Variants in UXS1 observed in about 807,000 individuals in gnomAD.
The protein encoded by UXS1 is UDP-glucuronate decarboxylase 1, also known as UDP-glucuronic acid decarboxylase 1.
UXS1 carries 33 observed loss-of-function variants against 62.6 expected under a neutral mutation model. The observed-to-expected ratio is 0.53, with a 90% CI of 0.40 to 0.70. The LOEUF is 0.70. UXS1 is among the 30% of genes least tolerant of loss of function. UXS1 has a pLI of 0.00. For missense variants in UXS1, 434 were observed against 556.3 expected, an observed-to-expected ratio of 0.78 and a Z score of 2.21; for synonymous variants, 213 against 206.8, an observed-to-expected ratio of 1.03 and a Z score of -0.26.
chr2:106,137,123 G>A (rs1451190330), intron 6 of UXS1, among the ~76,000 whole-genome samples: 4 of 152,038 alleles, frequency 2.6e-5, no homozygotes, highest in South Asian at 4.1e-4. Context: ...ATGCAAGTTC[G>A]CTGAGAGGAT....
intron 11 of UXS1, among the ~76,000 whole-genome samples, chr2:106,103,382 C>G (rs1022298602): frequency 7.9e-5 from 12 of 152,272 alleles, no homozygotes; most frequent in African/African-American, 2.9e-4. Flanking sequence ...GTGAGGCAGC[C>G]CGAGGCAGGC....
intron 9 of UXS1, among the ~76,000 whole-genome samples, chr2:106,121,366 C>A (rs1558696256): frequency 6.6e-6 from 1 of 152,174 alleles, no homozygotes; most frequent in South Asian, 2.1e-4. Context: ...ACTAAAAGCT[C>A]AATCAAAATG....
At chr2:106,124,496 T>C (rs960068032) in intron 8 of UXS1, among the ~76,000 whole-genome samples, 5 of 152,242 alleles carry the variant, frequency 3.3e-5, no homozygotes, top group Non-Finnish European at 7.3e-5. Context: ...GCTAAGACAC[T>C]AAGCAAATAC....
intron 1 of UXS1, among the ~76,000 whole-genome samples, chr2:106,184,601 G>A (rs1443007855): frequency 1.3e-5 from 2 of 152,168 alleles, no homozygotes; most frequent in Non-Finnish European, 1.5e-5. Flanking sequence ...CCTTCTTGCT[G>A]TATCCTCACA....
Position 106,123,006 on chromosome 2 carries a change from A to G in UXS1, c.723T>C (p.Arg241=). The change falls in exon 9 of 15, where the codon CGT becomes CGC. Residue 241 remains arginine, a synonymous_variant. Transcript: ENST00000283148. The part of the protein sequence containing the change: ...GPRACYDEGK[R]VAETMCYAYM... ...AGGCATAGCACATGGTCTCTGCAAC[A>G]CGTTTGCCTTCATCGTAGCAGGCCC... 6.2e-7 allele frequency: 1 copy of G among 1,613,910 alleles called. No homozygotes were observed. Among genetic ancestry groups the G allele is most frequent in the South Asian group, 1.1e-5 (1 of 91,084 alleles).
chr2:106,120,934 C>CG (rs1679472358), intron 9 of UXS1, among the ~76,000 whole-genome samples: 1 of 152,314 alleles, frequency 6.6e-6, no homozygotes, highest in East Asian at 1.9e-4. Flanking sequence ...GCTGACCACA[C>CG]GGGGGGCTTC....
chr2:106,193,585 T>C (rs1291692384), intron 1 of UXS1, among the ~76,000 whole-genome samples: 1 of 151,890 alleles, frequency 6.6e-6, no homozygotes. Context: ...AGAATGGGGA[T>C]GCCGGTGCGC....
chr2:106,193,557 A>G (rs1267248284), intron 1 of UXS1, among the ~76,000 whole-genome samples: 1 of 151,826 alleles, frequency 6.6e-6, no homozygotes, highest in Non-Finnish European at 1.5e-5. Context: ...CCGGCCGCCG[A>G]GCCCCGGGGG....
At chr2:106,104,883 T>C in intron 10 of UXS1, 46 bp from the exon 11 acceptor site, 1 of 1,612,354 alleles carries the variant, frequency 6.2e-7, no homozygotes, top group Non-Finnish European at 8.5e-7. Flanking sequence ...ACCACACCCG[T>C]CCTGCGTAGG....
chr2:106,189,103 T>C (rs1012039458), intron 1 of UXS1, among the ~76,000 whole-genome samples: 4 of 152,038 alleles, frequency 2.6e-5, no homozygotes, highest in Admixed American at 6.6e-5. Context: ...ATCAGAATAG[T>C]AGTAGTCCCA....
chr2:106,123,352 T>C (rs1011260582), intron 8 of UXS1, among the ~76,000 whole-genome samples: 7 of 152,182 alleles, frequency 4.6e-5, no homozygotes, highest in Admixed American at 2.0e-4. Context: ...TTCCCTCTCT[T>C]CCGTAAATTG....
chr2:106,174,856 C>T (rs933888771), intron 1 of UXS1, among the ~76,000 whole-genome samples: 1 of 152,344 alleles, frequency 6.6e-6, no homozygotes. Context: ...CAGCTAGCGC[C>T]CACCCATCCC....
At chr2:106,179,978 G>A (rs984764284) in intron 1 of UXS1, among the ~76,000 whole-genome samples, 10 of 152,148 alleles carry the variant, frequency 6.6e-5, no homozygotes, top group Admixed American at 3.9e-4. Context: ...GCATGGTGGT[G>A]TGCACCTGTA....
rs1680865630 is a variant in UXS1 at position 106,138,814 on chromosome 2, C to G, written c.472+6376G>C. ...AAACCCTATGAAAATCAAAGTTTCCCACCACCCCCCTCTCCTTTGAGAATG... is the reference window on the plus strand; with the variant it reads ...AAACCCTATGAAAATCAAAGTTTCCGACCACCCCCCTCTCCTTTGAGAATG... On this transcript the variant is annotated intron_variant, in intron 6 of 14. Coordinates refer to ENST00000283148, the MANE Select transcript of UXS1 (RefSeq NM_001253875.2). The G allele has an allele frequency of 3.0e-6, 3 of 985,356 alleles. No individual in the cohort carries two copies. The South Asian group carries it at 1.4e-4, about 46-fold the overall frequency. The allele number at this position is 985,356 out of a possible 1,614,324, so 61.0% of individuals were successfully genotyped here. A position where few individuals can be genotyped will look rare whatever the true frequency, so the allele number is the denominator to read the frequency against.
rs969448110 is a variant in UXS1, at chr2:106,122,858, C to T, written c.759+112G>A. The T allele has an allele frequency of 1.5e-4, 223 of 1,444,750 alleles. 3 individuals carry two copies. In the South Asian group the frequency reaches 3.0e-3, roughly 20 times the overall value. The allele number at this position is 1,444,750 out of a possible 1,614,324, so 89.5% of individuals were successfully genotyped here. A position where few individuals can be genotyped will look rare whatever the true frequency, so the allele number is the denominator to read the frequency against. ...ATACTGGGAAACTGAGCTTCCCAAA[C>T]ACCTATCCCCAGACAAAATCAGTCA... On this transcript the variant is annotated intron_variant, in intron 9 of 14. Coordinates refer to ENST00000283148, the MANE Select transcript of UXS1 (RefSeq NM_001253875.2).
In UXS1 at chr2:106,129,775, T is replaced by C; in HGVS notation, c.476A>G (p.Asp159Gly). ...TGGAGATGCCAGATGGTATATCTGG[T>C]CAACTAAAGGAGACAAAACAGAAGC... ...DVVEPLYIEV[D>G]QIYHLASPAS... Residue 159 changes from aspartate to glycine, a missense_variant, in exon 7 of 15, where the codon GAC (aspartate) becomes GGC (glycine). Asp to Gly is a moderately conservative substitution (Grantham distance 94). Around this residue, in one of 3 missense-constraint regions of UXS1, gnomAD observed 134 missense variants for 251.9 expected, o/e 0.53. Transcript: ENST00000283148. The C allele has an allele frequency of 6.2e-7, 1 of 1,601,112 alleles. No homozygotes were observed. Among genetic ancestry groups the C allele is most frequent in the Non-Finnish European group, 8.5e-7 (1 of 1,172,458 alleles).
chr2:106,104,879 C>T (rs781320910), intron 10 of UXS1, 42 bp from the exon 11 acceptor site: 2 of 1,613,542 alleles, frequency 1.2e-6, no homozygotes, highest in Non-Finnish European at 8.5e-7. Flanking sequence ...TAAAACCACA[C>T]CCGTCCTGCG....
At chr2:106,169,274 T>C (rs73951237) in intron 1 of UXS1, among the ~76,000 whole-genome samples, 2,114 of 152,368 alleles carry the variant, frequency 0.014, 57 homozygotes, top group African/African-American at 0.048. Context: ...AAGTATTCCA[T>C]GCTATGGAAG....
chr2:106,158,873 AT>A (rs1682669718), intron 4 of UXS1, among the ~76,000 whole-genome samples: 3 of 152,218 alleles, frequency 2.0e-5, no homozygotes, highest in Admixed American at 1.3e-4. Context: ...TATTTGAGGT[AT>A]CTTTCAGATT....
Sources: allele counts gnomAD v4.1 joint callset (sites outside exome capture counted in the v4.1 genomes callset), GRCh38; gene constraint gnomAD v4.1.1; regional missense constraint gnomAD v4.1.1; transcripts MANE v1.5; gene names NCBI Gene and HGNC (gene_info 2026-07-23, HGNC 2026-07-21).